The following CEP85L variants were observed in gnomAD, a reference collection of about 807,000 sequenced individuals.
CEP85L encodes the protein centrosomal protein of 85 kDa-like.
Under a neutral mutation model 100.3 loss-of-function variants are expected in CEP85L, and 60 were observed. That is an observed-to-expected ratio of 0.60 (90% CI 0.49 to 0.74). The LOEUF (loss-of-function observed/expected upper bound fraction) is 0.74, where lower values mean the gene tolerates loss of function less well. Ranked by LOEUF, CEP85L falls within the 30% of genes least tolerant of loss-of-function variation. CEP85L has a pLI of 0.00. For synonymous variants in CEP85L, 319 were observed against 322.7 expected (o/e 0.99, Z 0.12); for missense variants, 973 against 936.2 (o/e 1.04, Z -0.51).
At chr6:118,702,301 A>C (rs1479146547) in intron 1 of CEP85L, among the ~76,000 whole-genome samples, 1 of 151,926 alleles carries the variant, frequency 6.6e-6, no homozygotes, top group African/African-American at 2.4e-5. Context: ...GCTTGAGCCC[A>C]GGAGTTCAAG....
chr6:118,545,157 A>G (rs563360212), intron 3 of CEP85L, among the ~76,000 whole-genome samples: 1 of 152,332 alleles, frequency 6.6e-6, no homozygotes, highest in East Asian at 1.9e-4. Context: ...GTCATCACTT[A>G]TATTAACTTC....
At position 118,565,936 on chromosome 6, in the gene CEP85L, G is replaced by A. The variant is rs1242022927; in HGVS notation, c.613C>T (p.His205Tyr). The change falls in exon 3 of 13, where the codon CAT becomes TAT. Residue 205 changes from histidine to tyrosine, a missense_variant. His to Tyr is a moderately conservative substitution (Grantham distance 83). Coordinates refer to ENST00000368491, the MANE Select transcript of CEP85L (RefSeq NM_001042475.3). ...QLRTIGPSCL[H>Y]DSMEMLRLED... ...AACCTAAGCATCTCCATACTATCAT[G>A]TAAACAGCTAGGCCCAATTGTCCTC... 4 of 1,613,992 alleles carry A rather than the reference G, an allele frequency of 2.5e-6. No homozygotes were observed. Among genetic ancestry groups the A allele is most frequent in the South Asian group, 1.1e-5 (1 of 91,088 alleles).
In CEP85L at chr6:118,481,786, C is replaced by CG; in HGVS notation, c.1737dup (p.Val580ArgfsTer13). The CG allele has an allele frequency of 6.4e-7, 1 of 1,572,030 alleles. No homozygotes were observed. The highest frequency in any genetic ancestry group is 8.6e-7 in the Non-Finnish European group (1 of 1,160,124). On this transcript the variant is annotated frameshift_variant, in exon 8 of 13. Transcript: ENST00000368491. LOFTEE classifies it high-confidence loss of function. ...TTCAGAAAATTTTCTTACCTCTGAA[C>CG]GGTAGTTACTAACTCCTTTTCTTTC...
chr6:118,542,893 GT>G (rs1212275364), intron 3 of CEP85L, among the ~76,000 whole-genome samples: 4 of 40,674 alleles, frequency 9.8e-5, no homozygotes, highest in African/African-American at 3.1e-4. Flanking sequence ...ACATCACCAA[GT>G]TTTCCCAAAA....
At chr6:118,511,776 T>TA (rs369037903) in intron 4 of CEP85L, among the ~76,000 whole-genome samples, 129 of 152,272 alleles carry the variant, frequency 8.5e-4, no homozygotes, top group African/African-American at 2.8e-3. Context: ...CAAAATTACT[T>TA]ACAAAGTAAC....
intron 3 of CEP85L, among the ~76,000 whole-genome samples, chr6:118,557,765 C>T (rs1778963200): frequency 6.6e-6 from 1 of 152,150 alleles, no homozygotes; most frequent in African/African-American, 2.4e-5. Context: ...CTACGGTGAT[C>T]ATACAAATGC....
intron 2 of CEP85L, among the ~76,000 whole-genome samples, chr6:118,613,527 C>T (rs542492870): frequency 6.6e-5 from 10 of 151,950 alleles, no homozygotes; most frequent in African/African-American, 1.7e-4. Flanking sequence ...GGGGCCAAGG[C>T]GGGTGGATCA....
At chr6:118,502,734 T>C in intron 5 of CEP85L, 1 of 518,842 alleles carries the variant, frequency 1.9e-6, no homozygotes, top group Non-Finnish European at 3.6e-6. Context: ...TACAAAGAAA[T>C]GCATCTTGCT....
At position 118,508,869 on chromosome 6, in the gene CEP85L, T is replaced by C. The variant is rs1454506159; in HGVS notation, c.1257+2429A>G. Among the ~76,000 whole-genome samples the C allele has an allele frequency of 2.6e-5, 4 of 152,044 alleles. No homozygotes were observed. In the East Asian group the frequency reaches 7.7e-4, roughly 29 times the overall value. ...CATAAAAAATTACATCATTCAAAGA[T>C]CCAAAGTTAAAAAAATCCTTCGCTA... On this transcript the variant is annotated intron_variant, in intron 5 of 12. Coordinates refer to ENST00000368491, the MANE Select transcript of CEP85L (RefSeq NM_001042475.3).
intron 1 of CEP85L, among the ~76,000 whole-genome samples, chr6:118,677,570 A>T (rs974654305): frequency 6.6e-6 from 1 of 152,160 alleles, no homozygotes; most frequent in Non-Finnish European, 1.5e-5. Context: ...CTTCATCCTG[A>T]TCTCCCAATA....
chr6:118,558,850 C>A, intron 3 of CEP85L: 1 of 1,056,806 alleles, frequency 9.5e-7, no homozygotes, highest in Non-Finnish European at 1.5e-6. Flanking sequence ...ACAGTTATCT[C>A]ATATTTGGCT....
intron 5 of CEP85L, among the ~76,000 whole-genome samples, chr6:118,509,714 C>A (rs1164299143): frequency 6.6e-6 from 1 of 152,110 alleles, no homozygotes; most frequent in Non-Finnish European, 1.5e-5. Context: ...ACAACATCCA[C>A]AAATAGAAGT....
intron 3 of CEP85L, among the ~76,000 whole-genome samples, chr6:118,526,219 T>A (rs979298043): frequency 6.6e-6 from 1 of 152,220 alleles, no homozygotes; most frequent in Non-Finnish European, 1.5e-5. Flanking sequence ...TCAGTACAGA[T>A]AATGTTAGCT....
intron 3 of CEP85L, among the ~76,000 whole-genome samples, chr6:118,547,255 T>C (rs1203113004): frequency 6.6e-6 from 1 of 152,076 alleles, no homozygotes; most frequent in East Asian, 1.9e-4. Context: ...TGCCCGGCTT[T>C]ACAAAAAAAT....
intron 3 of CEP85L, among the ~76,000 whole-genome samples, chr6:118,563,200 A>G (rs901280239): frequency 6.6e-6 from 1 of 152,200 alleles, no homozygotes; most frequent in Non-Finnish European, 1.5e-5. Flanking sequence ...ACAAAGGAAA[A>G]TGATTCAGAG....
At chr6:118,532,546 G>T (rs1582992903) in intron 3 of CEP85L, among the ~76,000 whole-genome samples, 1 of 152,184 alleles carries the variant, frequency 6.6e-6, no homozygotes, top group Admixed American at 6.5e-5. Flanking sequence ...AGAGCAAAAA[G>T]TAAATAAAAC....
At chr6:118,574,346 G>A (rs1330326328) in intron 2 of CEP85L, among the ~76,000 whole-genome samples, 4 of 152,232 alleles carry the variant, frequency 2.6e-5, no homozygotes, top group Non-Finnish European at 5.9e-5. Context: ...AAATAACACA[G>A]AAACAGGAAC....
At position 118,481,943 on chromosome 6, in the gene CEP85L, A is replaced by T; in HGVS notation, c.1591-10T>A. The T allele has an allele frequency of 6.6e-7, 1 of 1,512,608 alleles. No individual in the cohort carries two copies. Among genetic ancestry groups the T allele is most frequent in the Non-Finnish European group, 8.9e-7 (1 of 1,123,798 alleles). 93.7% of individuals were successfully genotyped at this position (1,512,608 alleles called of 1,614,324 possible). ...CTTCCAGAATCTGCAGCTAAGGAGA[A>T]ATGTTTTACAGTTCATTACACATGA... is the stretch of plus-strand genomic sequence containing the variant. On this transcript the variant is annotated splice_polypyrimidine_tract_variant and intron_variant, in intron 7 of 12. Transcript: ENST00000368491.
chr6:118,622,165 A>G (rs1424361130), intron 2 of CEP85L, among the ~76,000 whole-genome samples: 1 of 152,228 alleles, frequency 6.6e-6, no homozygotes, highest in Non-Finnish European at 1.5e-5. Flanking sequence ...CCATCTTAGT[A>G]TCAGAGACTA....
Sources: allele counts gnomAD v4.1 joint callset (sites outside exome capture counted in the v4.1 genomes callset), GRCh38; gene constraint gnomAD v4.1.1; transcripts MANE v1.5; gene names NCBI Gene and HGNC (gene_info 2026-07-23, HGNC 2026-07-21).